The following LRP1B variants were observed in gnomAD, a reference collection of about 807,000 sequenced individuals.
LRP1B encodes LDL receptor related protein 1B.
LRP1B carries 217 observed loss-of-function variants against 556.6 expected under a neutral mutation model. That is an observed-to-expected ratio of 0.39 (90% confidence interval 0.35 to 0.44). The LOEUF (loss-of-function observed/expected upper bound fraction) is 0.44, where lower values mean the gene tolerates loss of function less well. Ranked by LOEUF, LRP1B falls within the 20% of genes least tolerant of loss-of-function variation. The pLI is 1.00. For missense variants in LRP1B, 5,053 were observed against 5,620.8 expected (o/e 0.90, Z 3.23); for synonymous variants, 2,047 against 1,865.8 (o/e 1.10, Z -2.50).
chr2:140,738,354 A>G lies in LRP1B; in HGVS notation c.5759-21538T>C, dbSNP rs985659180. Reference sequence around the variant, plus strand: ...GTGGGTGGGCAGGGAAGAGGCCTACAGGAACTATGGAGGAGCTATTTCTCA... The same window carrying G: ...GTGGGTGGGCAGGGAAGAGGCCTACGGGAACTATGGAGGAGCTATTTCTCA... On this transcript the variant is annotated intron_variant, in intron 35 of 90. Coordinates refer to ENST00000389484, the MANE Select transcript of LRP1B (RefSeq NM_018557.3). Among the ~76,000 whole-genome samples, 12 of 152,262 alleles carry G rather than the reference A, an allele frequency of 7.9e-5. No homozygotes were observed. The East Asian group carries it at 2.3e-3, about 29-fold the overall frequency.
intron 7 of LRP1B, among the ~76,000 whole-genome samples, chr2:141,153,022 A>T (rs967404054): frequency 1.3e-5 from 2 of 150,420 alleles, no homozygotes; most frequent in African/African-American, 2.4e-5. Context: ...ACAAAAGATG[A>T]TCATATGAAA....
chr2:141,073,973 A>T (rs957156322), intron 7 of LRP1B, among the ~76,000 whole-genome samples: 2 of 152,112 alleles, frequency 1.3e-5, no homozygotes. Context: ...AAGACAGCAC[A>T]TTAACATGAA....
At chr2:140,615,606 G>A (rs933498362) in intron 41 of LRP1B, among the ~76,000 whole-genome samples, 7 of 152,040 alleles carry the variant, frequency 4.6e-5, no homozygotes, top group Non-Finnish European at 8.8e-5. Context: ...TAAATTTGTG[G>A]TTGGGGGAGA....
intron 1 of LRP1B, among the ~76,000 whole-genome samples, chr2:141,849,409 C>T (rs144938387): frequency 6.6e-5 from 10 of 151,616 alleles, no homozygotes; most frequent in African/African-American, 1.7e-4. Context: ...GCGTTGACTT[C>T]GGCTTAATAG....
intron 43 of LRP1B, among the ~76,000 whole-genome samples, chr2:140,581,756 T>C (rs1681771169): frequency 6.6e-6 from 1 of 152,124 alleles, no homozygotes; most frequent in African/African-American, 2.4e-5. Context: ...CTCTCTCCTG[T>C]TCTCTTTTTC....
At chr2:140,298,587 G>A (rs1683698891) in intron 83 of LRP1B, among the ~76,000 whole-genome samples, 1 of 152,070 alleles carries the variant, frequency 6.6e-6, no homozygotes, top group Non-Finnish European at 1.5e-5. Flanking sequence ...TCACAAGAGT[G>A]GACTGTACTT....
intron 2 of LRP1B, among the ~76,000 whole-genome samples, chr2:141,696,786 T>C (rs1691746084): frequency 6.6e-6 from 1 of 152,004 alleles, no homozygotes; most frequent in African/African-American, 2.4e-5. Context: ...GTTGGCTTGG[T>C]GACCACTAAC....
At chr2:141,704,566 G>A (rs1276007430) in intron 2 of LRP1B, among the ~76,000 whole-genome samples, 1 of 151,866 alleles carries the variant, frequency 6.6e-6, no homozygotes, top group Non-Finnish European at 1.5e-5. Flanking sequence ...CCCCAGTGCA[G>A]CCCCACGTCT....
At chr2:141,817,641 T>A (rs1696605151) in intron 1 of LRP1B, among the ~76,000 whole-genome samples, 1 of 152,224 alleles carries the variant, frequency 6.6e-6, no homozygotes. Context: ...ACAGAAACTA[T>A]GTCAAATACT....
intron 1 of LRP1B, among the ~76,000 whole-genome samples, chr2:142,102,399 T>G (rs1706599769): frequency 6.6e-6 from 1 of 151,850 alleles, no homozygotes; most frequent in African/African-American, 2.4e-5. Context: ...CAAATTCACT[T>G]AAGATCTGGC....
intron 6 of LRP1B, among the ~76,000 whole-genome samples, chr2:141,222,534 C>T (rs1222892593): frequency 6.6e-6 from 1 of 152,142 alleles, no homozygotes; most frequent in Admixed American, 6.5e-5. Flanking sequence ...TTTTATGTGG[C>T]TAGCATTATC....
At chr2:140,968,337 T>A (rs1159705890) in intron 18 of LRP1B, among the ~76,000 whole-genome samples, 1 of 152,134 alleles carries the variant, frequency 6.6e-6, no homozygotes, top group Non-Finnish European at 1.5e-5. Context: ...TATAGTATTC[T>A]CTGAGGGTAG....
intron 3 of LRP1B, among the ~76,000 whole-genome samples, chr2:141,425,975 T>C (rs549749544): frequency 6.6e-6 from 1 of 150,610 alleles, no homozygotes; most frequent in African/African-American, 2.4e-5. Context: ...TTTTGGTGTT[T>C]TAGACATGAA....
chr2:141,959,331 A>G (rs972816249), intron 1 of LRP1B, among the ~76,000 whole-genome samples: 4 of 151,968 alleles, frequency 2.6e-5, no homozygotes, highest in African/African-American at 9.7e-5. Flanking sequence ...ACTTTGAGTA[A>G]TTGATAGAAT....
intron 20 of LRP1B, 43 bp downstream of exon 20, chr2:140,950,192 C>T (rs770488947): frequency 2.8e-6 from 4 of 1,409,280 alleles, no homozygotes; most frequent in Non-Finnish European, 3.8e-6. Context: ...TATTATGCAT[C>T]AACTTTTAAA....
chr2:141,229,294 T>A lies in LRP1B; in HGVS notation c.739A>T (p.Ile247Phe), dbSNP rs2105293778. Residue 247 changes from isoleucine (I) to phenylalanine (F), a missense_variant, in exon 6 of 91, where the codon ATT (isoleucine) becomes TTT (phenylalanine). Ile to Phe is a conservative substitution (Grantham distance 21). Coordinates refer to ENST00000389484, the MANE Select transcript of LRP1B (RefSeq NM_018557.3). Reference protein sequence around the residue: ...TLDFIYNEDMICWIESRESSN... With the variant: ...TLDFIYNEDMFCWIESRESSN... ...GATTCTCTTGATTCAATCCAACAAA[T>A]CATATCTTCATTATAAATAAAATCC... 1 of 1,612,598 alleles carries A rather than the reference T, an allele frequency of 6.2e-7. No individual in the cohort carries two copies. The highest frequency in any genetic ancestry group is 2.2e-5 in the East Asian group (1 of 44,750).
chr2:140,472,402 G>A lies in LRP1B; in HGVS notation c.9625+2736C>T, dbSNP rs1404675752. Among the ~76,000 whole-genome samples, 3 of 152,040 alleles carry A rather than the reference G, an allele frequency of 2.0e-5. No individual in the cohort carries two copies. The East Asian group carries it at 5.8e-4, about 29-fold the overall frequency. On this transcript the variant is annotated intron_variant, in intron 60 of 90. Coordinates refer to ENST00000389484, the MANE Select transcript of LRP1B (RefSeq NM_018557.3). Reference sequence around the variant, plus strand: ...TCATATGTTACTATGGTGAATAACAGTAGAGTGATACAGAGAAATAAAGAT... The same window carrying A: ...TCATATGTTACTATGGTGAATAACAATAGAGTGATACAGAGAAATAAAGAT...
At chr2:141,697,917 G>T (rs1691787903) in intron 2 of LRP1B, among the ~76,000 whole-genome samples, 1 of 151,930 alleles carries the variant, frequency 6.6e-6, no homozygotes. Flanking sequence ...TGATGCTAAT[G>T]CTAGCTTTAG....
At chr2:141,316,793 A>G (rs903443642) in intron 3 of LRP1B, among the ~76,000 whole-genome samples, 47 of 152,352 alleles carry the variant, frequency 3.1e-4, no homozygotes, top group African/African-American at 1.0e-3. Context: ...GGTGAGGTGG[A>G]TAAGCACAGC....
Sources: gnomAD v4.1 joint callset for allele counts (sites outside exome capture counted in the v4.1 genomes callset) on GRCh38, gnomAD v4.1.1 for gene constraint, MANE v1.5 for transcripts, NCBI Gene and HGNC (gene_info 2026-07-23, HGNC 2026-07-21) for gene names.